NUMB: variants seen among roughly 807,000 people sequenced by gnomAD.
NUMB encodes NUMB endocytic adaptor protein.
In NUMB, 29 loss-of-function variants were observed where a neutral mutation model predicts 59.7. The ratio of observed to expected loss-of-function variants is 0.49; its 90% CI spans 0.36 to 0.66. NUMB has a LOEUF of 0.66. NUMB is among the 30% of genes least tolerant of loss of function. NUMB has a pLI of 0.00. For synonymous variants in NUMB, 288 were observed against 288.2 expected, an observed-to-expected ratio of 1.00 and a Z score of 0.01; for missense variants, 723 against 822.0, an observed-to-expected ratio of 0.88 and a Z score of 1.47.
chr14:73,399,476 T>C (rs1896302560), intron 2 of NUMB, among the ~76,000 whole-genome samples: 1 of 152,084 alleles, frequency 6.6e-6, no homozygotes, highest in Non-Finnish European at 1.5e-5. Flanking sequence ...GGCAGGAGAA[T>C]TGCTTGAACC....
At chr14:73,362,998 A>G (rs962511590) in intron 3 of NUMB, among the ~76,000 whole-genome samples, 2 of 151,038 alleles carry the variant, frequency 1.3e-5, no homozygotes, top group African/African-American at 4.9e-5. Context: ...AAAAAAGAAA[A>G]ATTTAAAATA....
intron 1 of NUMB, among the ~76,000 whole-genome samples, chr14:73,425,831 C>CA (rs1897554061): frequency 7.3e-6 from 1 of 137,124 alleles, no homozygotes; most frequent in African/African-American, 2.7e-5. Flanking sequence ...TTTTTTGAGA[C>CA]AGAGTCTCAC....
At chr14:73,392,228 C>G (rs1478368438) in intron 2 of NUMB, among the ~76,000 whole-genome samples, 1 of 152,068 alleles carries the variant, frequency 6.6e-6, no homozygotes, top group Non-Finnish European at 1.5e-5. Flanking sequence ...AGTAAAAGCC[C>G]CTGAAGGTCA....
At chr14:73,382,795 C>T (rs1222334785) in intron 2 of NUMB, among the ~76,000 whole-genome samples, 1 of 152,054 alleles carries the variant, frequency 6.6e-6, no homozygotes, top group Non-Finnish European at 1.5e-5. Context: ...ACCAGGAATG[C>T]TAGGAGACAG....
At chr14:73,385,994 G>C (rs1009773553) in intron 2 of NUMB, among the ~76,000 whole-genome samples, 1 of 152,148 alleles carries the variant, frequency 6.6e-6, no homozygotes, top group East Asian at 1.9e-4. Context: ...AATGCTGTCT[G>C]ACAACCTTAA....
At chr14:73,384,304 T>G (rs1381856907) in intron 2 of NUMB, among the ~76,000 whole-genome samples, 1 of 152,040 alleles carries the variant, frequency 6.6e-6, no homozygotes, top group East Asian at 1.9e-4. Context: ...TTAGCCAGGA[T>G]GGTCTCGATC....
chr14:73,357,405 A>T (rs1256676552), intron 3 of NUMB, among the ~76,000 whole-genome samples: 1 of 150,620 alleles, frequency 6.6e-6, no homozygotes, highest in Non-Finnish European at 1.5e-5. Context: ...TCTGTCAAAA[A>T]AAAAAAAAGA....
At chr14:73,417,004 G>A (rs978046821) in intron 1 of NUMB, among the ~76,000 whole-genome samples, 1 of 151,798 alleles carries the variant, frequency 6.6e-6, no homozygotes, top group Non-Finnish European at 1.5e-5. Flanking sequence ...CAGAGGAGAA[G>A]AGAAGGAGCA....
chr14:73,435,718 A>G (rs1208655623), intron 1 of NUMB, among the ~76,000 whole-genome samples: 1 of 151,978 alleles, frequency 6.6e-6, no homozygotes, highest in Non-Finnish European at 1.5e-5. Context: ...ACCAAAAACT[A>G]AAAATGATCT....
At chr14:73,417,551 C>CAA (rs879724639) in intron 1 of NUMB, among the ~76,000 whole-genome samples, 2 of 111,176 alleles carry the variant, frequency 1.8e-5, no homozygotes, top group African/African-American at 7.0e-5. Flanking sequence ...GACCCTCTCT[C>CAA]AAAAAAAAAA....
At chr14:73,419,192 C>T (rs572401306) in intron 1 of NUMB, among the ~76,000 whole-genome samples, 128 of 152,214 alleles carry the variant, frequency 8.4e-4, no homozygotes, top group African/African-American at 3.1e-3. Flanking sequence ...TTCAAACTAT[C>T]TAGTAGAAGG....
Position 73,437,067 on chromosome 14 carries a change from A to C in NUMB, c.-233+21426T>G, listed in dbSNP as rs1238835089. Among the ~76,000 whole-genome samples, 6 of 72,864 alleles carry C rather than the reference A, an allele frequency of 8.2e-5. No individual in the cohort carries two copies. The South Asian group carries it at 2.2e-3, about 27-fold the overall frequency. 47.8% of individuals were successfully genotyped at this position (72,864 alleles called of 152,430 possible). On this transcript the variant is annotated intron_variant, in intron 1 of 12. Coordinates refer to ENST00000555238, the MANE Select transcript of NUMB (RefSeq NM_001005743.2). Reference sequence around the variant, plus strand: ...TTTTTTTTTTTTTTTTTTTTTGTTGAGACAGGGTCTTGCTGTTGCCCAGGC... The same window carrying C: ...TTTTTTTTTTTTTTTTTTTTTGTTGCGACAGGGTCTTGCTGTTGCCCAGGC...
intron 2 of NUMB, among the ~76,000 whole-genome samples, chr14:73,387,428 T>C (rs1161164501): frequency 6.6e-6 from 1 of 152,196 alleles, no homozygotes; most frequent in Non-Finnish European, 1.5e-5. Flanking sequence ...GAAAGGATAT[T>C]GAAGTGCTAC....
chr14:73,392,098 C>A (rs1895883259), intron 2 of NUMB, among the ~76,000 whole-genome samples: 1 of 152,166 alleles, frequency 6.6e-6, no homozygotes, highest in Non-Finnish European at 1.5e-5. Flanking sequence ...TGCAACTATA[C>A]AACCAATGTG....
intron 10 of NUMB, among the ~76,000 whole-genome samples, chr14:73,283,031 A>G (rs1003747236): frequency 2.0e-5 from 3 of 152,240 alleles, no homozygotes; most frequent in African/African-American, 7.2e-5. Context: ...AGTCTCCAGT[A>G]CTAAGCATAT....
At chr14:73,457,060 C>T (rs1462246080) in intron 1 of NUMB, among the ~76,000 whole-genome samples, 6 of 151,956 alleles carry the variant, frequency 3.9e-5, no homozygotes, top group African/African-American at 1.5e-4. Flanking sequence ...AAAAAAACAC[C>T]ACCACCACCT....
At chr14:73,387,626 C>G (rs2140091384) in intron 2 of NUMB, among the ~76,000 whole-genome samples, 1 of 151,530 alleles carries the variant, frequency 6.6e-6, no homozygotes, top group Admixed American at 6.6e-5. Context: ...AAGAGACCTC[C>G]GGTGACTGAG....
chr14:73,447,150 G>A (rs1221247559), intron 1 of NUMB, among the ~76,000 whole-genome samples: 3 of 148,040 alleles, frequency 2.0e-5, no homozygotes, highest in Admixed American at 6.8e-5. Context: ...TTGTGCCACC[G>A]CACTCCAGCC....
intron 1 of NUMB, among the ~76,000 whole-genome samples, chr14:73,442,205 A>G (rs965233236): frequency 4.6e-5 from 7 of 151,024 alleles, no homozygotes; most frequent in African/African-American, 1.7e-4. Flanking sequence ...AAAAAAAGAA[A>G]AAAGAAAGAA....
Sources: gnomAD v4.1 joint callset for allele counts (sites outside exome capture counted in the v4.1 genomes callset) on GRCh38, gnomAD v4.1.1 for gene constraint, MANE v1.5 for transcripts, NCBI Gene and HGNC (gene_info 2026-07-23, HGNC 2026-07-21) for gene names.